SPAG16: variants seen among roughly 807,000 people sequenced by gnomAD.
SPAG16 encodes sperm associated antigen 16.
In SPAG16, 86 loss-of-function variants were observed where a neutral mutation model predicts 80.4. The ratio of observed to expected loss-of-function variants is 1.07; its 90% CI spans 0.90 to 1.28. The LOEUF is 1.28. Among genes scored for constraint, SPAG16 ranks in the 50% most tolerant of loss-of-function variants. The probability of loss-of-function intolerance (pLI) is 0.00; values close to 1 mark genes in which losing one functional copy is unlikely to be tolerated. For synonymous variants in SPAG16, 294 were observed against 265.9 expected (o/e 1.11, Z -1.03); for missense variants, 870 against 765.3 (o/e 1.14, Z -1.61).
At chr2:213,341,870 T>TTA (rs2064703132) in intron 6 of SPAG16, among the ~76,000 whole-genome samples, 1 of 152,182 alleles carries the variant, frequency 6.6e-6, no homozygotes, top group African/African-American at 2.4e-5. Context: ...AAGTATCTTA[T>TTA]TATGAACGTG....
chr2:213,360,500 A>G (rs1370240599), intron 7 of SPAG16, among the ~76,000 whole-genome samples: 1 of 152,248 alleles, frequency 6.6e-6, no homozygotes, highest in African/African-American at 2.4e-5. Flanking sequence ...CACAGAATAT[A>G]GTCCTAGTCC....
In SPAG16 at chr2:213,502,842, C is replaced by A. The variant is rs2074801742; in HGVS notation, c.1070+12752C>A. ...CTTCTTTGGGAAAGAACTGGCTCTT[C>A]TTTACATATTCTAGCATAGTAGAGC... is the stretch of plus-strand genomic sequence containing the variant. On this transcript the variant is annotated intron_variant, in intron 10 of 15. Coordinates refer to ENST00000331683, the MANE Select transcript of SPAG16 (RefSeq NM_024532.5). Among the ~76,000 whole-genome samples, 4 of 152,308 alleles carry A rather than the reference C, an allele frequency of 2.6e-5. No individual in the cohort carries two copies. In the South Asian group the frequency reaches 8.3e-4, roughly 32 times the overall value.
intron 9 of SPAG16, among the ~76,000 whole-genome samples, chr2:213,426,836 TACACACACACACACAC>T (rs199604984): frequency 2.1e-4 from 26 of 125,828 alleles, no homozygotes; most frequent in African/African-American, 4.4e-4. Flanking sequence ...TTCTGATACA[TACACACACACACACAC>T]ACACACACAC....
chr2:213,586,870 A>T (rs1210015564), intron 10 of SPAG16, among the ~76,000 whole-genome samples: 1 of 152,222 alleles, frequency 6.6e-6, no homozygotes, highest in East Asian at 1.9e-4. Context: ...GCTTGAGAAT[A>T]ATCTTTGACT....
At position 213,773,710 on chromosome 2, in the gene SPAG16, C is replaced by T. The variant is rs187198448; in HGVS notation, c.1071-88775C>T. Among the ~76,000 whole-genome samples, 82 of 152,078 alleles carry T rather than the reference C, an allele frequency of 5.4e-4. No individual in the cohort carries two copies. In the Middle Eastern group the frequency reaches 0.017, roughly 32 times the overall value. Reference sequence around the variant, plus strand: ...CTGGGATTACAGGCACCTGCCACCACGCCTGGCTAATTTTTGTATTTTTAG... The same window carrying T: ...CTGGGATTACAGGCACCTGCCACCATGCCTGGCTAATTTTTGTATTTTTAG... On this transcript the variant is annotated intron_variant, in intron 10 of 15. Transcript: ENST00000331683.
chr2:213,291,748 T>C (rs1054537879), intron 1 of SPAG16, among the ~76,000 whole-genome samples: 2 of 152,250 alleles, frequency 1.3e-5, no homozygotes, highest in Non-Finnish European at 1.5e-5. Flanking sequence ...AGCAAATTTA[T>C]GGCATTTGTA....
At chr2:213,632,095 G>T (rs2062178329) in intron 10 of SPAG16, among the ~76,000 whole-genome samples, 2 of 152,050 alleles carry the variant, frequency 1.3e-5, no homozygotes, top group African/African-American at 4.8e-5. Context: ...TAAAAATACT[G>T]ATTCTTCTAA....
chr2:213,784,396 T>A lies in SPAG16; in HGVS notation c.1071-78089T>A, dbSNP rs546589955. On this transcript the variant is annotated intron_variant, in intron 10 of 15. Transcript: ENST00000331683. ...TAGTCCAAAAATATTTTACATTGTA[T>A]GTTTATAACTAAAGTGTATCTTGTT... Among the ~76,000 whole-genome samples, 13 of 142,886 alleles carry A rather than the reference T, an allele frequency of 9.1e-5. No homozygotes were observed. The South Asian group carries it at 1.6e-3, about 18-fold the overall frequency. The allele number at this position is 142,886 out of a possible 152,430, so 93.7% of individuals were successfully genotyped here.
intron 10 of SPAG16, among the ~76,000 whole-genome samples, chr2:213,607,113 C>T (rs888871990): frequency 3.3e-5 from 5 of 152,072 alleles, no homozygotes; most frequent in African/African-American, 4.8e-5. Context: ...TGATCAGTTT[C>T]GTTTTGATTT....
intron 15 of SPAG16, chr2:214,240,901 T>A (rs73081074): frequency 6.6e-6 from 1 of 152,294 alleles, no homozygotes; most frequent in African/African-American, 2.4e-5. Context: ...CTACTTTTAT[T>A]TGGCAACCTT....
At chr2:214,335,786 G>GTCTC (rs1697248186) in intron 15 of SPAG16, among the ~76,000 whole-genome samples, 1 of 125,140 alleles carries the variant, frequency 8.0e-6, no homozygotes, top group Admixed American at 9.8e-5. Flanking sequence ...TTGAGATGGA[G>GTCTC]TCTCACTCTG....
At chr2:214,068,196 T>C (rs2050621434) in intron 13 of SPAG16, among the ~76,000 whole-genome samples, 1 of 152,150 alleles carries the variant, frequency 6.6e-6, no homozygotes. Flanking sequence ...CAAGAGATCA[T>C]ACAAATATTG....
chr2:214,352,893 C>G (rs144669033), intron 15 of SPAG16, among the ~76,000 whole-genome samples: 1 of 152,170 alleles, frequency 6.6e-6, no homozygotes, highest in Non-Finnish European at 1.5e-5. Flanking sequence ...CTAACATTTA[C>G]AGAGAGACCT....
chr2:213,886,964 T>C (rs535561412), intron 11 of SPAG16, among the ~76,000 whole-genome samples: 163 of 152,246 alleles, frequency 1.1e-3, no homozygotes, highest in African/African-American at 3.8e-3. Flanking sequence ...TTTTATGTGC[T>C]TTCAGAGCTG....
intron 10 of SPAG16, among the ~76,000 whole-genome samples, chr2:213,632,530 G>A (rs762185218): frequency 3.3e-5 from 5 of 152,078 alleles, no homozygotes; most frequent in Non-Finnish European, 7.4e-5. Context: ...ATGACAGTGG[G>A]CATACTTGTT....
chr2:213,712,337 C>T (rs983364952), intron 10 of SPAG16, among the ~76,000 whole-genome samples: 8 of 152,076 alleles, frequency 5.3e-5, no homozygotes, highest in African/African-American at 1.9e-4. Flanking sequence ...GCAAGATAGA[C>T]ATTGTTCTAT....
At chr2:213,908,132 A>G (rs1575519257) in intron 11 of SPAG16, among the ~76,000 whole-genome samples, 1 of 152,208 alleles carries the variant, frequency 6.6e-6, no homozygotes, top group Non-Finnish European at 1.5e-5. Flanking sequence ...ATAAATATGT[A>G]CAATTATTAT....
chr2:213,716,392 T>G (rs16850740), intron 10 of SPAG16, among the ~76,000 whole-genome samples: 8,317 of 152,180 alleles, frequency 0.055, 483 homozygotes, highest in African/African-American at 0.14. Context: ...AAAGCAAACA[T>G]TTCTAAATTG....
chr2:213,962,868 T>C (rs1422656760), intron 12 of SPAG16, among the ~76,000 whole-genome samples: 3 of 152,224 alleles, frequency 2.0e-5, no homozygotes, highest in Admixed American at 6.5e-5. Flanking sequence ...TTCTGTAAGA[T>C]TGGCAGTGAG....
Sources: gnomAD v4.1 joint callset for allele counts (sites outside exome capture counted in the v4.1 genomes callset) on GRCh38, gnomAD v4.1.1 for gene constraint, MANE v1.5 for transcripts, NCBI Gene and HGNC (gene_info 2026-07-23, HGNC 2026-07-21) for gene names.